ERG: variants seen among roughly 807,000 people sequenced by gnomAD.
ERG encodes the protein ETS transcription factor ERG, also known as transcriptional regulator ERG.
In ERG, 9 loss-of-function variants were observed where a neutral mutation model predicts 55.3. That is an observed-to-expected ratio of 0.16 (90% CI 0.10 to 0.28). The LOEUF is 0.28. ERG is among the 10% of genes least tolerant of loss of function. ERG has a pLI of 1.00. For missense variants in ERG, 434 were observed against 631.6 expected, an observed-to-expected ratio of 0.69 and a Z score of 3.35; for synonymous variants, 223 against 237.3, an observed-to-expected ratio of 0.94 and a Z score of 0.55.
At chr21:38,649,640 T>C (rs1025835481) in intron 1 of ERG, among the ~76,000 whole-genome samples, 1 of 152,228 alleles carries the variant, frequency 6.6e-6, no homozygotes, top group African/African-American at 2.4e-5. Flanking sequence ...TGTACTCTGA[T>C]ACGAAACTGC....
At chr21:38,448,158 C>T (rs2058909286) in intron 1 of ERG, among the ~76,000 whole-genome samples, 1 of 152,168 alleles carries the variant, frequency 6.6e-6, no homozygotes, top group Non-Finnish European at 1.5e-5. Flanking sequence ...GGAATCCATT[C>T]TCACATCTGG....
chr21:38,545,832 C>T (rs921943638), intron 2 of ERG, among the ~76,000 whole-genome samples: 3 of 152,200 alleles, frequency 2.0e-5, no homozygotes, highest in African/African-American at 7.2e-5. Flanking sequence ...CTTCAAAACC[C>T]TCCAACTCCA....
At chr21:38,554,897 AGATTT>A (rs1201608102) in intron 2 of ERG, among the ~76,000 whole-genome samples, 11 of 152,212 alleles carry the variant, frequency 7.2e-5, no homozygotes, top group Admixed American at 6.5e-4. Context: ...CAAATAGATT[AGATTT>A]AATTAAAAAT....
chr21:38,545,979 T>G (rs906225561), intron 2 of ERG, among the ~76,000 whole-genome samples: 6 of 152,160 alleles, frequency 3.9e-5, no homozygotes, highest in Admixed American at 6.5e-5. Context: ...CCATGAAACT[T>G]CTTATTCCTA....
intron 1 of ERG, among the ~76,000 whole-genome samples, chr21:38,462,355 T>A (rs747870280): frequency 7.7e-6 from 1 of 130,170 alleles, no homozygotes; most frequent in Non-Finnish European, 1.7e-5. Flanking sequence ...TACCAATAGA[T>A]ATAATGCATA....
At chr21:38,648,749 C>G (rs1040636108) in intron 1 of ERG, among the ~76,000 whole-genome samples, 14 of 152,350 alleles carry the variant, frequency 9.2e-5, no homozygotes, top group Admixed American at 7.2e-4. Flanking sequence ...TCCATGAAAA[C>G]CAGACAGAGG....
At chr21:38,470,722 T>A (rs142724088) in intron 1 of ERG, 3 of 152,232 alleles carry the variant, frequency 2.0e-5, no homozygotes, top group Non-Finnish European at 4.4e-5. Flanking sequence ...TTTCCGACCA[T>A]GGAAAACTAA....
At chr21:38,390,284 T>C (rs1015667437) in intron 9 of ERG, among the ~76,000 whole-genome samples, 1 of 152,218 alleles carries the variant, frequency 6.6e-6, no homozygotes, top group Admixed American at 6.5e-5. Context: ...AAACAGACCA[T>C]CGAAGATGAG....
intron 1 of ERG, chr21:38,451,184 C>T (rs376184588): frequency 2.6e-5 from 13 of 506,746 alleles, no homozygotes; most frequent in African/African-American, 2.3e-4. Flanking sequence ...GATAAGTGTC[C>T]AGAATCCCTG....
At chr21:38,639,181 C>T (rs1431315127) in intron 1 of ERG, among the ~76,000 whole-genome samples, 1 of 152,152 alleles carries the variant, frequency 6.6e-6, no homozygotes, top group Non-Finnish European at 1.5e-5. Context: ...TCACGGCACA[C>T]ACCCCCAGCC....
chr21:38,610,673 A>G (rs1359767689), intron 1 of ERG, among the ~76,000 whole-genome samples: 1 of 152,190 alleles, frequency 6.6e-6, no homozygotes, highest in Non-Finnish European at 1.5e-5. Context: ...CTGAGCAATC[A>G]TTCTGTGCTG....
At chr21:38,585,503 G>A (rs1431108783), upstream of ERG, among the ~76,000 whole-genome samples, 1 of 136,662 alleles carries the variant, frequency 7.3e-6, no homozygotes, top group Non-Finnish European at 1.5e-5. Context: ...CCTGTAGCAC[G>A]GCTCCAAAAT....
downstream of ERG, among the ~76,000 whole-genome samples, chr21:38,375,886 C>T (rs1987228832): frequency 6.6e-6 from 1 of 152,184 alleles, no homozygotes; most frequent in Admixed American, 6.5e-5. Flanking sequence ...CACAACTGGA[C>T]ATCACACACT....
intron 2 of ERG, among the ~76,000 whole-genome samples, chr21:38,533,232 A>G (rs936268875): frequency 1.3e-5 from 2 of 152,230 alleles, no homozygotes; most frequent in African/African-American, 4.8e-5. Flanking sequence ...CCTCTGATGC[A>G]CAACCCAGTG....
chr21:38,388,602 A>G (rs1396106280), intron 9 of ERG, among the ~76,000 whole-genome samples: 1 of 152,264 alleles, frequency 6.6e-6, no homozygotes, highest in Non-Finnish European at 1.5e-5. Flanking sequence ...TGAGCACAAC[A>G]GACACAAACC....
intron 1 of ERG, among the ~76,000 whole-genome samples, chr21:38,598,590 G>A (rs895295882): frequency 1.9e-4 from 29 of 152,202 alleles, no homozygotes; most frequent in African/African-American, 5.8e-4. Context: ...GCACAGCAGC[G>A]GTGCACTCTC....
At chr21:38,583,609 TGCACTGGAGTACTAACC>T (rs1461757207) in intron 1 of ERG, among the ~76,000 whole-genome samples, 1 of 152,226 alleles carries the variant, frequency 6.6e-6, no homozygotes, top group Non-Finnish European at 1.5e-5. Flanking sequence ...CCCCAGTTCA[TGCACTGGAGTACTAACC>T]CCCGGTCCCT....
chr21:38,407,868 AAAT>A (rs762074292), intron 3 of ERG, among the ~76,000 whole-genome samples: 30 of 147,648 alleles, frequency 2.0e-4, no homozygotes, highest in East Asian at 1.4e-3. Flanking sequence ...TATTTTTATA[AAAT>A]AATAAAATAT....
At chr21:38,573,257 C>T (rs1169760380) in intron 2 of ERG, among the ~76,000 whole-genome samples, 3 of 152,232 alleles carry the variant, frequency 2.0e-5, no homozygotes, top group Non-Finnish European at 4.4e-5. Context: ...GAAATATGGC[C>T]TCGTGGGATG....
Sources: gnomAD v4.1 joint callset for allele counts (sites outside exome capture counted in the v4.1 genomes callset) on GRCh38, gnomAD v4.1.1 for gene constraint, MANE v1.5 for transcripts, NCBI Gene and HGNC (gene_info 2026-07-23, HGNC 2026-07-21) for gene names.